Variants in COL8A1 observed in about 807,000 individuals in gnomAD.
COL8A1 encodes the protein collagen type VIII alpha 1 chain, also known as collagen alpha-1(VIII) chain.
A neutral mutation model predicts 42.7 loss-of-function variants in COL8A1; 21 were observed. The observed-to-expected ratio is 0.49, with a 90% CI of 0.35 to 0.71. The LOEUF (loss-of-function observed/expected upper bound fraction) is 0.71. Among genes scored for constraint, COL8A1 ranks in the 30% least tolerant of loss-of-function variants. The probability of loss-of-function intolerance (pLI) is 0.01; values close to 1 mark genes in which losing one functional copy is unlikely to be tolerated. For missense variants in COL8A1, 788 were observed against 962.4 expected, an observed-to-expected ratio of 0.82 and a Z score of 2.40; for synonymous variants, 367 against 369.1, an observed-to-expected ratio of 0.99 and a Z score of 0.06.
chr3:99,713,587 T>C (rs1197730870), intron 1 of COL8A1, among the ~76,000 whole-genome samples: 1 of 152,090 alleles, frequency 6.6e-6, no homozygotes, highest in Non-Finnish European at 1.5e-5. Context: ...GTTCAGTGCC[T>C]TCCCTCTAAA....
At chr3:99,713,967 G>A (rs553081111) in intron 1 of COL8A1, among the ~76,000 whole-genome samples, 2 of 152,102 alleles carry the variant, frequency 1.3e-5, no homozygotes, top group South Asian at 2.1e-4. Flanking sequence ...CTGATGAGAG[G>A]GGAGGAGAAA....
intron 1 of COL8A1, among the ~76,000 whole-genome samples, chr3:99,648,301 A>G (rs566001972): frequency 1.3e-5 from 2 of 152,224 alleles, no homozygotes; most frequent in East Asian, 3.9e-4. Context: ...GCTTCTCATG[A>G]TGTCTTGTCC....
At chr3:99,697,010 G>A (rs549793762) in intron 1 of COL8A1, among the ~76,000 whole-genome samples, 1,396 of 109,964 alleles carry the variant, frequency 0.013, 25 homozygotes, top group African/African-American at 0.046. Flanking sequence ...TTTTTGAGAC[G>A]GAGTCTCGCT....
chr3:99,771,360 T>C (rs576082617), intron 2 of COL8A1, among the ~76,000 whole-genome samples: 3 of 152,326 alleles, frequency 2.0e-5, no homozygotes, highest in South Asian at 2.1e-4. Context: ...TTTTGAACAA[T>C]TGCAAATTAA....
intron 1 of COL8A1, among the ~76,000 whole-genome samples, chr3:99,706,625 G>T (rs971175934): frequency 1.3e-5 from 2 of 152,136 alleles, no homozygotes; most frequent in Non-Finnish European, 2.9e-5. Context: ...TCCTTGGCTG[G>T]TTAGGACTGG....
At chr3:99,687,688 C>G (rs984103462) in intron 1 of COL8A1, among the ~76,000 whole-genome samples, 1 of 152,112 alleles carries the variant, frequency 6.6e-6, no homozygotes, top group Non-Finnish European at 1.5e-5. Flanking sequence ...AGGGTTCAAA[C>G]TGAAAAGCAG....
intron 1 of COL8A1, among the ~76,000 whole-genome samples, chr3:99,734,067 A>C (rs1020426849): frequency 6.6e-6 from 1 of 152,088 alleles, no homozygotes. Context: ...TCACATGAGT[A>C]GGTTGTGAAA....
In COL8A1 at chr3:99,669,789, G is replaced by A. The variant is rs144121817; in HGVS notation, c.-129+31125G>A. On this transcript the variant is annotated intron_variant, in intron 1 of 3. Coordinates refer to ENST00000652472, the MANE Select transcript of COL8A1 (RefSeq NM_020351.4). ...AGCTATGTCACAACCAGAACCTGAC[G>A]GAGCAGAAACAAAGTTTATATTTCA... 1.1e-3 allele frequency among the ~76,000 whole-genome samples: 165 copies of A among 152,086 alleles called. 2 individuals carry two copies. Among genetic ancestry groups the A allele is most frequent in the South Asian group, 3.7e-3 (18 of 4,820 alleles).
chr3:99,669,961 G>C (rs1938491307), intron 1 of COL8A1, among the ~76,000 whole-genome samples: 2 of 151,892 alleles, frequency 1.3e-5, no homozygotes, highest in South Asian at 4.2e-4. Context: ...ATGTTTTCTA[G>C]AGCCTTCTTG....
intron 1 of COL8A1, among the ~76,000 whole-genome samples, chr3:99,698,627 A>G (rs1303452195): frequency 6.6e-6 from 1 of 152,224 alleles, no homozygotes; most frequent in Non-Finnish European, 1.5e-5. Flanking sequence ...GAGAAAATAT[A>G]CACAATTAGA....
intron 1 of COL8A1, among the ~76,000 whole-genome samples, chr3:99,639,883 A>G (rs1194955997): frequency 1.3e-5 from 2 of 152,232 alleles, no homozygotes; most frequent in African/African-American, 4.8e-5. Context: ...TTAAAGTAAG[A>G]AGAGAAATGT....
intron 1 of COL8A1, among the ~76,000 whole-genome samples, chr3:99,662,210 G>C (rs35637598): frequency 0.13 from 20,054 of 151,884 alleles, 1,429 homozygotes; most frequent in Middle Eastern, 0.18. Context: ...GAAACCCCAT[G>C]GCTACAAAAA....
chr3:99,682,695 T>C (rs1938925125), intron 1 of COL8A1, among the ~76,000 whole-genome samples: 1 of 152,168 alleles, frequency 6.6e-6, no homozygotes, highest in Admixed American at 6.5e-5. Context: ...ACCAGCTTTG[T>C]GACCTCAGGC....
At chr3:99,724,751 A>G (rs909878782) in intron 1 of COL8A1, among the ~76,000 whole-genome samples, 15 of 152,082 alleles carry the variant, frequency 9.9e-5, no homozygotes, top group African/African-American at 3.6e-4. Context: ...TTCAGAGAAC[A>G]AAATGATTGA....
In COL8A1 at chr3:99,781,603, G is replaced by A. The variant is rs78219666; in HGVS notation, c.-3-9077G>A. Among the ~76,000 whole-genome samples, 487 of 152,240 alleles carry A rather than the reference G, an allele frequency of 3.2e-3. 13 individuals are homozygous for A. In the East Asian group the frequency reaches 0.061, roughly 19 times the overall value. ...ATGTCCACTTTAATGGATTACATTAGATGAAATTTCCCCACATCTCTCCCT... is the reference window on the plus strand; with the variant it reads ...ATGTCCACTTTAATGGATTACATTAAATGAAATTTCCCCACATCTCTCCCT... On this transcript the variant is annotated intron_variant, in intron 2 of 3. Transcript: ENST00000652472.
intron 1 of COL8A1, among the ~76,000 whole-genome samples, chr3:99,664,173 A>C (rs537960997): frequency 5.3e-5 from 8 of 152,190 alleles, no homozygotes; most frequent in Non-Finnish European, 1.0e-4. Flanking sequence ...GTTGTTCACT[A>C]TTGGTCTTCC....
intron 1 of COL8A1, among the ~76,000 whole-genome samples, chr3:99,689,980 A>G (rs1939171191): frequency 6.6e-6 from 1 of 152,366 alleles, no homozygotes; most frequent in East Asian, 1.9e-4. Context: ...TCTTTAAAAT[A>G]TGACAGTTAA....
At chr3:99,782,612 G>C (rs186335349) in intron 2 of COL8A1, among the ~76,000 whole-genome samples, 2 of 152,046 alleles carry the variant, frequency 1.3e-5, no homozygotes, top group East Asian at 3.9e-4. Context: ...GGCTGGTCTC[G>C]AACACCTGAC....
intron 2 of COL8A1, among the ~76,000 whole-genome samples, chr3:99,761,475 G>C (rs1941363390): frequency 6.6e-6 from 1 of 152,158 alleles, no homozygotes. Flanking sequence ...GAAAGAATCA[G>C]ATTTCTAAGA....
Sources: allele counts gnomAD v4.1 joint callset (sites outside exome capture counted in the v4.1 genomes callset), GRCh38; gene constraint gnomAD v4.1.1; transcripts MANE v1.5; gene names NCBI Gene and HGNC (gene_info 2026-07-23, HGNC 2026-07-21).